Variants in CHST4 observed in about 807,000 individuals in gnomAD.
The protein encoded by CHST4 is carbohydrate sulfotransferase 4.
For missense variants in CHST4, 466 were observed against 506.0 expected, an observed-to-expected ratio of 0.92 and a Z score of 0.76; for synonymous variants, 171 against 195.5, an observed-to-expected ratio of 0.87 and a Z score of 1.05.
In CHST4 at chr16:71,537,479, C is replaced by T. The variant is rs2044000733; in HGVS notation, c.802C>T (p.Gln268Ter). The change falls in exon 2 of 2, where the codon CAG (glutamine) becomes TAG (stop). Residue 268 changes from glutamine (Q) to a stop codon, truncating the protein, a stop_gained. Coordinates refer to ENST00000539698, the MANE Select transcript of CHST4 (RefSeq NM_001166395.2). LOFTEE classifies it low-confidence loss of function (END_TRUNC). The surrounding 1 kb of genome is among the most constrained non-coding windows in gnomAD (Gnocchi z 4.2). The stretch of plus-strand genomic sequence containing the variant: ...CATCCAGTCCTTGCCCAAGGCCCTG[C>T]AGGAACGCTACCTGCTTGTGCGCTA... ...KTIQSLPKAL[Q>*]ERYLLVRYED... 1.2e-6 allele frequency: 2 copies of T among 1,614,202 alleles called. No individual in the cohort carries two copies. The highest frequency in any genetic ancestry group is 1.7e-6 in the Non-Finnish European group (2 of 1,180,040).
chr16:71,534,312 C>T (rs1207480968), intron 1 of CHST4, among the ~76,000 whole-genome samples: 1 of 151,268 alleles, frequency 6.6e-6, no homozygotes, highest in Non-Finnish European at 1.5e-5. Context: ...TTGTTTGAGG[C>T]CAAGAGTTCA....
At chr16:71,534,492 G>A (rs1022560560) in intron 1 of CHST4, among the ~76,000 whole-genome samples, 1 of 151,650 alleles carries the variant, frequency 6.6e-6, no homozygotes, top group Admixed American at 6.6e-5. Flanking sequence ...CACGTAGCTG[G>A]GATTACAGGC....
rs143449711 is a variant in CHST4, at chr16:71,536,978, G to A, written c.301G>A (p.Val101Ile). 86 of 1,613,832 alleles carry A rather than the reference G, an allele frequency of 5.3e-5. No homozygotes were observed. Among genetic ancestry groups the A allele is most frequent in the South Asian group, 9.9e-5 (9 of 91,050 alleles). ...GGCTGTGCGGGATCTGATACGGGCC[G>A]TCTTCTTGTGCGACATGAGCGTCTT... Reference protein sequence around the residue: ...HMAVRDLIRAVFLCDMSVFDA... With the variant: ...HMAVRDLIRAIFLCDMSVFDA... The change falls in exon 2 of 2, where the codon GTC (valine) becomes ATC (isoleucine). Residue 101 changes from valine to isoleucine, a missense_variant. Physicochemically the swap from Val to Ile is conservative, Grantham distance 29. Transcript: ENST00000539698.
chr16:71,533,737 G>A (rs1395300960), intron 1 of CHST4, among the ~76,000 whole-genome samples: 2 of 151,976 alleles, frequency 1.3e-5, no homozygotes, highest in East Asian at 1.9e-4. Context: ...AGGCACAAGC[G>A]CTTGTCATAA....
chr16:71,526,416 T>A (rs987021486), upstream of CHST4: 1 of 151,074 alleles, frequency 6.6e-6, no homozygotes, highest in African/African-American at 2.4e-5. Flanking sequence ...AAGAGGGGAG[T>A]TGGTGAGTCA....
At chr16:71,536,070 C>T (rs1567582702) in intron 1 of CHST4, among the ~76,000 whole-genome samples, 1 of 152,226 alleles carries the variant, frequency 6.6e-6, no homozygotes, top group African/African-American at 2.4e-5. Context: ...AGCAGTTGCA[C>T]AGCCTGCAGC....
intron 1 of CHST4, among the ~76,000 whole-genome samples, chr16:71,527,581 T>C (rs1236636217): frequency 1.3e-5 from 2 of 152,054 alleles, no homozygotes; most frequent in Non-Finnish European, 2.9e-5. Context: ...ACCCTGTCTG[T>C]ACTAAAAATA....
Position 71,536,746 on chromosome 16 carries a change from C to T in CHST4, c.69C>T (p.Phe23=). 1 of 1,504,838 alleles carries T rather than the reference C, an allele frequency of 6.6e-7. No homozygotes were observed. The highest frequency in any genetic ancestry group is 8.9e-7 in the Non-Finnish European group (1 of 1,127,968). The allele number at this position is 1,504,838 out of a possible 1,614,324, so 93.2% of individuals were successfully genotyped here. The change falls in exon 2 of 2, where the codon TTC becomes TTT. Residue 23 remains phenylalanine, a synonymous_variant. Coordinates refer to ENST00000539698, the MANE Select transcript of CHST4 (RefSeq NM_001166395.2). The part of the protein sequence containing the change: ...LVSQMAILAL[F]FHMYSHNISS... ...CCCAGATGGCCATCTTGGCTCTATT[C>T]TTCCACATGTACAGCCACAACATCA...
At chr16:71,531,951 C>T (rs2043950875) in intron 1 of CHST4, among the ~76,000 whole-genome samples, 1 of 152,006 alleles carries the variant, frequency 6.6e-6, no homozygotes, top group African/African-American at 2.4e-5. Context: ...GGAGGGAGGA[C>T]ATCCTTGGGC....
intron 1 of CHST4, among the ~76,000 whole-genome samples, chr16:71,527,758 G>GAAAAAAT (rs1340198280): frequency 6.6e-6 from 1 of 150,572 alleles, no homozygotes. Flanking sequence ...AAAGAAAAAA[G>GAAAAAAT]AAAAGAAAAA....
At chr16:71,533,947 C>A (rs1597037166) in intron 1 of CHST4, among the ~76,000 whole-genome samples, 1 of 151,076 alleles carries the variant, frequency 6.6e-6, no homozygotes, top group Non-Finnish European at 1.5e-5. Flanking sequence ...GAGGCTGAGG[C>A]AGGGGAATCA....
intron 1 of CHST4, among the ~76,000 whole-genome samples, chr16:71,530,747 C>T (rs1404272604): frequency 6.6e-6 from 1 of 151,170 alleles, no homozygotes; most frequent in East Asian, 2.0e-4. Context: ...GTACTCCACC[C>T]TGGGCAACAG....
Position 71,537,178 on chromosome 16 carries a change from C to A in CHST4, c.501C>A (p.Ala167=). 6.2e-7 allele frequency: 1 copy of A among 1,614,156 alleles called. No individual in the cohort carries two copies. The highest frequency in any genetic ancestry group is 8.5e-7 in the Non-Finnish European group (1 of 1,180,022). ...AGCCCTTTGAGGTGGTGGAGAAGGC[C>A]TGCCGCTCCTACAGCCACGTGGTGC... ...SQQPFEVVEK[A]CRSYSHVVLK... Residue 167 remains alanine, a synonymous_variant, in exon 2 of 2, where the codon GCC becomes GCA. Coordinates refer to ENST00000539698, the MANE Select transcript of CHST4 (RefSeq NM_001166395.2). This position sits in a 1 kb window ranked among gnomAD's most constrained non-coding sequence, Gnocchi z 4.2.
In CHST4 at chr16:71,537,565, G is replaced by A. The variant is rs1477712215; in HGVS notation, c.888G>A (p.Leu296=). 4 of 1,614,040 alleles carry A rather than the reference G, an allele frequency of 2.5e-6. No homozygotes were observed. Among genetic ancestry groups the A allele is most frequent in the Non-Finnish European group, 3.4e-6 (4 of 1,180,050 alleles). The stretch of plus-strand genomic sequence containing the variant: ...CCCGAATGTATGAATTCGTGGGATT[G>A]GAATTCTTGCCCCATCTTCAGACCT... ...QTSRMYEFVG[L]EFLPHLQTWV... is the part of the protein sequence containing the mutation. The change falls in exon 2 of 2, where the codon TTG becomes TTA. Residue 296 remains leucine (L), a synonymous_variant. Coordinates refer to ENST00000539698, the MANE Select transcript of CHST4 (RefSeq NM_001166395.2). The surrounding 1 kb of genome is among the most constrained non-coding windows in gnomAD (Gnocchi z 4.2).
In CHST4 at chr16:71,537,431, A is replaced by G; in HGVS notation, c.754A>G (p.Ser252Gly). The change falls in exon 2 of 2, where the codon AGC becomes GGC. Residue 252 changes from serine to glycine, a missense_variant. Transcript: ENST00000539698. This position sits in a 1 kb window ranked among gnomAD's most constrained non-coding sequence, Gnocchi z 4.2. ...CTATGTGATGCAGGTCATCTGCCAA[A>G]GCCAGCTGGAGATCTACAAGACCAT... ...PYYVMQVICQSQLEIYKTIQS... is the reference protein window; with the variant it reads ...PYYVMQVICQGQLEIYKTIQS... 1 of 1,613,782 alleles carries G rather than the reference A, an allele frequency of 6.2e-7. No individual in the cohort carries two copies. Among genetic ancestry groups the G allele is most frequent in the Non-Finnish European group, 8.5e-7 (1 of 1,179,914 alleles).
rs770464982 is a variant in CHST4 at position 71,537,010 on chromosome 16, C to G, written c.333C>G (p.Ala111=). The G allele has an allele frequency of 3.1e-6, 5 of 1,614,058 alleles. No individual in the cohort carries two copies. The highest frequency in any genetic ancestry group is 3.3e-5 in the Admixed American group (2 of 60,022). ...VFLCDMSVFD[A]YMEPGPRRQS... is the part of the protein sequence containing the mutation. ...TGTGCGACATGAGCGTCTTTGATGC[C>G]TACATGGAACCTGGTCCCCGGAGAC... The change falls in exon 2 of 2, where the codon GCC becomes GCG. Residue 111 remains alanine, a synonymous_variant. Transcript: ENST00000539698. This position sits in a 1 kb window ranked among gnomAD's most constrained non-coding sequence, Gnocchi z 4.2.
chr16:71,529,107 G>GTTTTTTTTTTTTTT (rs397717246), intron 1 of CHST4, among the ~76,000 whole-genome samples: 1 of 136,108 alleles, frequency 7.3e-6, no homozygotes. Context: ...TTTGTTTTTT[G>GTTTTTTTTTTTTTT]TTTTTTTTTT....
intron 1 of CHST4, among the ~76,000 whole-genome samples, chr16:71,531,936 T>G (rs1262202990): frequency 6.6e-6 from 1 of 152,140 alleles, no homozygotes; most frequent in African/African-American, 2.4e-5. Flanking sequence ...CTTCAGTCTT[T>G]GCGGGGAGGG....
chr16:71,528,964 G>T (rs553709939), intron 1 of CHST4, among the ~76,000 whole-genome samples: 8 of 152,204 alleles, frequency 5.3e-5, no homozygotes, highest in African/African-American at 1.9e-4. Context: ...AGGTTCTCTT[G>T]ACTCCTCAGA....
Sources: gnomAD v4.1 joint callset for allele counts (sites outside exome capture counted in the v4.1 genomes callset) on GRCh38, gnomAD v4.1.1 for gene constraint, Gnocchi (gnomAD v3.1) non-coding constraint, MANE v1.5 for transcripts, NCBI Gene and HGNC (gene_info 2026-07-23, HGNC 2026-07-21) for gene names.